The following POLI variants were observed in gnomAD, a reference collection of about 807,000 sequenced individuals.
POLI encodes RAD30 homolog B.
POLI carries 58 observed loss-of-function variants against 51.6 expected under a neutral mutation model. The observed-to-expected ratio is 1.12, with a 90% confidence interval of 0.91 to 1.40. The LOEUF (loss-of-function observed/expected upper bound fraction) is 1.40, where lower values mean the gene tolerates loss of function less well. POLI is among the 40% of genes most tolerant of loss of function. POLI has a pLI of 0.00. For missense variants in POLI, 921 were observed against 871.3 expected, an observed-to-expected ratio of 1.06 and a Z score of -0.72; for synonymous variants, 322 against 299.7, an observed-to-expected ratio of 1.07 and a Z score of -0.77.
chr18:54,269,625 G>A lies in POLI; in HGVS notation c.79G>A (p.Glu27Lys), dbSNP rs1207528878. The A allele has an allele frequency of 6.6e-7, 1 of 1,511,026 alleles. No homozygotes were observed. The highest frequency in any genetic ancestry group is 2.8e-5 in the East Asian group (1 of 35,494). The allele number at this position is 1,511,026 out of a possible 1,614,324, so 93.6% of individuals were successfully genotyped here. ...DEEDAEAWAM[E>K]LADVGAAASS... ...GGAAGACGCCGAGGCCTGGGCCATG[G>A]AACTGGCGGACGTGGGGGCGGCAGC... The change falls in exon 1 of 10, where the codon GAA (glutamate) becomes AAA (lysine). Residue 27 changes from glutamate (E) to lysine (K), a missense_variant. Coordinates refer to ENST00000579534, the MANE Select transcript of POLI (RefSeq NM_007195.3).
intron 8 of POLI, among the ~76,000 whole-genome samples, chr18:54,288,468 A>C (rs932309010): frequency 6.6e-6 from 1 of 152,148 alleles, no homozygotes; most frequent in South Asian, 2.1e-4. Context: ...CATTTGTTGA[A>C]GACTATTCTC....
intron 3 of POLI, among the ~76,000 whole-genome samples, chr18:54,274,313 T>C (rs530758648): frequency 3.1e-4 from 47 of 152,206 alleles, no homozygotes; most frequent in African/African-American, 1.1e-3. Flanking sequence ...TTTTAACTCT[T>C]ATTATTGATG....
At chr18:54,310,411 C>T (rs2088654897) in intron 3 of POLI, among the ~76,000 whole-genome samples, 1 of 152,094 alleles carries the variant, frequency 6.6e-6, no homozygotes. Flanking sequence ...TTGCAGACTA[C>T]CACCACTTGT....
In POLI at chr18:54,287,328, G is replaced by A. The variant is rs950431386; in HGVS notation, c.1115G>A (p.Arg372His). 10 of 1,589,622 alleles carry A rather than the reference G, an allele frequency of 6.3e-6. No individual in the cohort carries two copies. Among genetic ancestry groups the A allele is most frequent in the South Asian group, 2.3e-5 (2 of 88,410 alleles). Residue 372 changes from arginine to histidine, a missense_variant, in exon 8 of 10, where the codon CGT becomes CAT. By Grantham distance (29) the Arg-to-His change is conservative. Coordinates refer to ENST00000579534, the MANE Select transcript of POLI (RefSeq NM_007195.3). ...RKPHTVRLII[R>H]RYSSEKHYGR... ...CCTCATACAGTGAGATTAATAATCC[G>A]TCGGTATTCCTCTGAGAAGCACTAT...
In POLI at chr18:54,296,464, A is replaced by G; in HGVS notation, c.*1997A>G. The G allele has an allele frequency of 1.4e-6, 1 of 693,924 alleles. No homozygotes were observed. The highest frequency in any genetic ancestry group is 1.8e-6 in the Non-Finnish European group (1 of 564,116). 43.0% of individuals were successfully genotyped at this position (693,924 alleles called of 1,614,324 possible). A position where few individuals can be genotyped will look rare whatever the true frequency, so the allele number is the denominator to read the frequency against. ...TTTTTCTTTGGTGCTTTGCAGGTTT[A>G]CTGTATTATTTGGAAGTGCGAATTT... On this transcript the variant is annotated 3_prime_UTR_variant, in exon 10 of 10. Coordinates refer to ENST00000579534, the MANE Select transcript of POLI (RefSeq NM_007195.3).
At chr18:54,287,663 T>C in intron 8 of POLI, 1 of 249,938 alleles carries the variant, frequency 4.0e-6, no homozygotes, top group South Asian at 5.3e-5. Flanking sequence ...CACTGCAGCC[T>C]TTGTCTCCCA....
chr18:54,305,199 G>C (rs1476978361), intron 3 of POLI, among the ~76,000 whole-genome samples: 2 of 152,178 alleles, frequency 1.3e-5, no homozygotes, highest in Non-Finnish European at 2.9e-5. Flanking sequence ...GTAGCATGAT[G>C]CCTCCAGCTT....
chr18:54,308,683 C>G (rs182571812), intron 3 of POLI, among the ~76,000 whole-genome samples: 139 of 152,306 alleles, frequency 9.1e-4, no homozygotes, highest in African/African-American at 3.2e-3. Flanking sequence ...TGTTTTCCAG[C>G]TGGGTTTCAT....
chr18:54,273,580 A>G (rs769834637), intron 2 of POLI, among the ~76,000 whole-genome samples: 4 of 151,924 alleles, frequency 2.6e-5, no homozygotes, highest in Non-Finnish European at 5.9e-5. Context: ...TATATGAATA[A>G]TTGATCTATC....
intron 7 of POLI, 53 bp from the exon 8 acceptor site, chr18:54,287,228 T>C (rs2087787746): frequency 7.6e-7 from 1 of 1,309,326 alleles, no homozygotes; most frequent in African/African-American, 1.5e-5. Context: ...TTACATAATT[T>C]AAAAAGGTAA....
intron 8 of POLI, among the ~76,000 whole-genome samples, chr18:54,291,056 A>C (rs1051974208): frequency 6.6e-6 from 1 of 152,080 alleles, no homozygotes; most frequent in Non-Finnish European, 1.5e-5. Flanking sequence ...CATGATGTGC[A>C]TGTAGCCCTT....
chr18:54,307,153 G>A (rs138585183), intron 3 of POLI, among the ~76,000 whole-genome samples: 27,611 of 151,934 alleles, frequency 0.18, 2,696 homozygotes, highest in Middle Eastern at 0.25. Flanking sequence ...GTTTGCTCTT[G>A]CTTCTCTAGT....
Position 54,283,967 on chromosome 18 carries a change from G to A in POLI, c.1021G>A (p.Glu341Lys), listed in dbSNP as rs1200813312. ...ATTTAAAAAATGTTCATCTGAAGTT[G>A]AAGCTAAAAATAAGATTGAAGAACT... ...DSFKKCSSEV[E>K]AKNKIEELLA... The change falls in exon 7 of 10, where the codon GAA becomes AAA. Residue 341 changes from glutamate to lysine, a missense_variant. Physicochemically the swap from Glu to Lys is moderately conservative, Grantham distance 56 (BLOSUM62 1). Transcript: ENST00000579534. 9 of 1,486,006 alleles carry A rather than the reference G, an allele frequency of 6.1e-6. No individual in the cohort carries two copies. Among genetic ancestry groups the A allele is most frequent in the Non-Finnish European group, 8.4e-6 (9 of 1,073,100 alleles). The allele number at this position is 1,486,006 out of a possible 1,614,324, so 92.1% of individuals were successfully genotyped here.
chr18:54,289,139 C>A (rs180773988), intron 8 of POLI, among the ~76,000 whole-genome samples: 3 of 148,350 alleles, frequency 2.0e-5, no homozygotes, highest in Admixed American at 1.3e-4. Context: ...CTTGTCTGAA[C>A]GTAATCTGCA....
Position 54,296,383 on chromosome 18 carries a change from GC to G in POLI, c.*1918del. Reference sequence around the variant, plus strand: ...TTTAAGTTAGTCTCAACATCTTTGGGCCTCAGAATCAACTTTTTTATGGGAT... The same window carrying G: ...TTTAAGTTAGTCTCAACATCTTTGGGCTCAGAATCAACTTTTTTATGGGAT... On this transcript the variant is annotated 3_prime_UTR_variant, in exon 10 of 10. Coordinates refer to ENST00000579534, the MANE Select transcript of POLI (RefSeq NM_007195.3). 2 of 984,448 alleles carry G rather than the reference GC, an allele frequency of 2.0e-6. No homozygotes were observed. The highest frequency in any genetic ancestry group is 2.4e-6 in the Non-Finnish European group (2 of 829,098). The allele number at this position is 984,448 out of a possible 1,614,324, so 61.0% of individuals were successfully genotyped here. A position where few individuals can be genotyped will look rare whatever the true frequency, so the allele number is the denominator to read the frequency against.
chr18:54,273,960 C>A lies in POLI; in HGVS notation c.276C>A (p.Asn92Lys). Residue 92 changes from asparagine to lysine, a missense_variant, in exon 3 of 10, where the codon AAC becomes AAA. Physicochemically the swap from Asn to Lys is moderately conservative, Grantham distance 94 (BLOSUM62 0). Coordinates refer to ENST00000579534, the MANE Select transcript of POLI (RefSeq NM_007195.3). The part of the protein sequence containing the change: ...VQQKYLVVTC[N>K]YEARKLGVKK... ...AGAAATATTTGGTGGTTACCTGCAA[C>A]TATGAAGCTAGGAAACTTGGAGTTA... The A allele has an allele frequency of 6.4e-7, 1 of 1,570,498 alleles. No homozygotes were observed. The highest frequency in any genetic ancestry group is 1.2e-5 in the South Asian group (1 of 83,704).
chr18:54,275,088 A>G (rs2087179332), intron 3 of POLI: 1 of 152,248 alleles, frequency 6.6e-6, no homozygotes, highest in South Asian at 2.1e-4. Flanking sequence ...AGAAAAAAGT[A>G]TCAAGAACAC....
intron 5 of POLI, among the ~76,000 whole-genome samples, chr18:54,282,172 C>T (rs1452779892): frequency 2.6e-5 from 4 of 152,096 alleles, no homozygotes; most frequent in Non-Finnish European, 4.4e-5. Flanking sequence ...TTTAATTGCT[C>T]TAGTGGCAGC....
At chr18:54,287,169 T>C (rs1443809652) in intron 7 of POLI, 112 bp from the exon 8 acceptor site, 1 of 668,802 alleles carries the variant, frequency 1.5e-6, no homozygotes, top group Non-Finnish European at 2.5e-6. Context: ...CTGCTATATG[T>C]ATAATTGTCA....
Sources: gnomAD v4.1 joint callset for allele counts (sites outside exome capture counted in the v4.1 genomes callset) on GRCh38, gnomAD v4.1.1 for gene constraint, MANE v1.5 for transcripts, NCBI Gene and HGNC (gene_info 2026-07-23, HGNC 2026-07-21) for gene names.